PDZD7: variants seen among roughly 807,000 people sequenced by gnomAD.
PDZD7 encodes the protein PDZ domain-containing protein 7.
Under a neutral mutation model 84.7 loss-of-function variants are expected in PDZD7, and 72 were observed. That is an observed-to-expected ratio of 0.85 (90% confidence interval 0.70 to 1.03). PDZD7 has a LOEUF of 1.03. Ranked by LOEUF, PDZD7 falls within the 50% of genes least tolerant of loss-of-function variation. PDZD7 has a pLI of 0.00. For synonymous variants in PDZD7, 594 were observed against 580.7 expected, an observed-to-expected ratio of 1.02 and a Z score of -0.33; for missense variants, 1,490 against 1,412.9, an observed-to-expected ratio of 1.05 and a Z score of -0.87.
intron 11 of PDZD7, among the ~76,000 whole-genome samples, chr10:101,014,720 C>A (rs1394428800): frequency 1.3e-5 from 2 of 150,946 alleles, no homozygotes; most frequent in Non-Finnish European, 2.9e-5. Flanking sequence ...TGCTTGCTCA[C>A]ATGCACACAC....
chr10:101,023,700 G>A (rs1205478078), intron 3 of PDZD7, 90 bp from the exon 4 acceptor site: 1 of 1,514,580 alleles, frequency 6.6e-7, no homozygotes, highest in Non-Finnish European at 9.0e-7. Context: ...GTCAAACTGA[G>A]CTTCTCAATC....
chr10:101,009,402 A>C, intron 15 of PDZD7, 52 bp from the exon 16 acceptor site: 2 of 1,424,214 alleles, frequency 1.4e-6, no homozygotes, highest in Non-Finnish European at 9.6e-7. Context: ...CCCAAAATGC[A>C]AGCTCCCTGG....
At chr10:101,029,853 C>T in intron 2 of PDZD7, 141 bp downstream of exon 2, 2 of 844,502 alleles carry the variant, frequency 2.4e-6, no homozygotes, top group Non-Finnish European at 3.7e-6. Flanking sequence ...GTATGGGTTC[C>T]CAGGCGGCCT....
chr10:101,022,397 C>A lies in PDZD7; in HGVS notation c.543-12G>T. ...TCACCACATCCACCCTGGACAACAG[C>A]AGGGGGCCCTCAGGTGGGGTCCTCC... is the stretch of plus-strand genomic sequence containing the variant. On this transcript the variant is annotated splice_polypyrimidine_tract_variant and intron_variant, in intron 4 of 16. Transcript: ENST00000619208. 6.2e-7 allele frequency: 1 copy of A among 1,613,944 alleles called. No individual in the cohort carries two copies. The highest frequency in any genetic ancestry group is 1.3e-5 in the African/African-American group (1 of 75,040).
At chr10:101,019,840 G>T (rs1368343247) in intron 7 of PDZD7, among the ~76,000 whole-genome samples, 1 of 151,008 alleles carries the variant, frequency 6.6e-6, no homozygotes, top group South Asian at 2.1e-4. Flanking sequence ...TGGCCAGGCT[G>T]GTCTCGAGCA....
intron 3 of PDZD7, 139 bp downstream of exon 3, chr10:101,023,789 G>T (rs1043407788): frequency 2.0e-6 from 3 of 1,487,158 alleles, no homozygotes; most frequent in East Asian, 2.3e-5. Context: ...TGACTTGAGG[G>T]TTGGCCCTGT....
At chr10:101,023,414 G>A in intron 4 of PDZD7, 22 bp downstream of exon 4, 2 of 1,613,928 alleles carry the variant, frequency 1.2e-6, no homozygotes, top group Non-Finnish European at 1.7e-6. Flanking sequence ...GCCAGGGCTA[G>A]GATGAGGGAG....
intron 11 of PDZD7, among the ~76,000 whole-genome samples, chr10:101,014,501 A>G (rs1852521482): frequency 6.6e-6 from 1 of 152,170 alleles, no homozygotes; most frequent in Non-Finnish European, 1.5e-5. Flanking sequence ...GGAGGCTGGT[A>G]CACGCTGCCC....
intron 9 of PDZD7, chr10:101,017,357 C>A: frequency 9.7e-6 from 4 of 412,874 alleles, no homozygotes; most frequent in South Asian, 9.3e-5. Flanking sequence ...CAGCTTAAAT[C>A]AGCAGCTGAG....
chr10:101,020,516 G>T, intron 7 of PDZD7, 102 bp downstream of exon 7: 1 of 1,112,774 alleles, frequency 9.0e-7, no homozygotes, highest in Non-Finnish European at 1.3e-6. Context: ...GGGATTACAG[G>T]TGTAAGCCAC....
Position 101,022,083 on chromosome 10 carries a change from A to G in PDZD7, c.719+126T>C, listed in dbSNP as rs908263859. On this transcript the variant is annotated intron_variant, in intron 5 of 16. Transcript: ENST00000619208. Reference sequence around the variant, plus strand: ...CTACTGGGGCCTCCCGCCCCCTCCCAGGCCCTCACTGAGACAGGTGGTTGG... The same window carrying G: ...CTACTGGGGCCTCCCGCCCCCTCCCGGGCCCTCACTGAGACAGGTGGTTGG... 5 of 1,527,248 alleles carry G rather than the reference A, an allele frequency of 3.3e-6. No homozygotes were observed. In the African/African-American group the frequency reaches 7.0e-5, roughly 21 times the overall value. 94.6% of individuals were successfully genotyped at this position (1,527,248 alleles called of 1,614,324 possible). A position where few individuals can be genotyped will look rare whatever the true frequency, so the allele number is the denominator to read the frequency against.
chr10:101,013,062 G>A (rs1340891630), intron 11 of PDZD7, among the ~76,000 whole-genome samples: 1 of 152,236 alleles, frequency 6.6e-6, no homozygotes, highest in Admixed American at 6.5e-5. Context: ...TATGGGCACA[G>A]GCACAGAGAC....
intron 7 of PDZD7, 147 bp from the exon 8 acceptor site, chr10:101,019,364 G>A: frequency 2.0e-6 from 2 of 1,006,536 alleles, no homozygotes; most frequent in Non-Finnish European, 2.9e-6. Flanking sequence ...CCGCTGCTCC[G>A]AAATGCTGCC....
intron 11 of PDZD7, 111 bp from the exon 12 acceptor site, chr10:101,012,369 C>A: frequency 2.2e-6 from 2 of 925,046 alleles, no homozygotes; most frequent in Non-Finnish European, 3.4e-6. Context: ...ACCTATCCAG[C>A]CCTGCGTGCC....
At chr10:101,010,985 T>C in intron 14 of PDZD7, 102 bp from the exon 15 acceptor site, 5 of 1,524,152 alleles carry the variant, frequency 3.3e-6, no homozygotes, top group Non-Finnish European at 3.5e-6. Flanking sequence ...CCCGAGTTTG[T>C]TCAGGCACCA....
rs1361568525 is a variant in PDZD7 at position 101,012,358 on chromosome 10, G to T, written c.1750-100C>A. On this transcript the variant is annotated intron_variant, in intron 11 of 16. Coordinates refer to ENST00000619208, the MANE Select transcript of PDZD7 (RefSeq NM_001195263.2). ...CAGGTGTTTCTTCTACGCATGTAGG[G>T]ACCTATCCAGCCCTGCGTGCCTTGG... The T allele has an allele frequency of 5.8e-5, 59 of 1,012,500 alleles. No individual in the cohort carries two copies. The East Asian group carries it at 1.5e-3, about 26-fold the overall frequency. 62.7% of individuals were successfully genotyped at this position (1,012,500 alleles called of 1,614,324 possible).
intron 2 of PDZD7, among the ~76,000 whole-genome samples, chr10:101,029,486 G>T (rs1385671488): frequency 1.3e-5 from 2 of 152,144 alleles, no homozygotes; most frequent in African/African-American, 2.4e-5. Flanking sequence ...CTGAACATTT[G>T]CTGTGCTGCC....
chr10:101,016,844 A>G (rs1322982882), intron 9 of PDZD7, among the ~76,000 whole-genome samples: 1 of 151,980 alleles, frequency 6.6e-6, no homozygotes, highest in Non-Finnish European at 1.5e-5. Flanking sequence ...GTGGGAAGAG[A>G]GATGCACTGA....
In PDZD7 at chr10:101,022,338, G is replaced by A. The variant is rs1199416531; in HGVS notation, c.590C>T (p.Thr197Ile). ...ATCTTCTGAGCTGGTGTCGGAGGGTGTTGAACCGCACTTCTCCACTACCAG... is the reference window on the plus strand; with the variant it reads ...ATCTTCTGAGCTGGTGTCGGAGGGTATTGAACCGCACTTCTCCACTACCAG... The part of the protein sequence containing the change: ...RRLVVEKCGS[T>I]PSDTSSEDGV... The change falls in exon 5 of 17, where the codon ACA (threonine) becomes ATA (isoleucine). Residue 197 changes from threonine to isoleucine, a missense_variant. Thr to Ile is a moderately conservative substitution (Grantham distance 89, BLOSUM62 -1). Transcript: ENST00000619208. 1.2e-6 allele frequency: 2 copies of A among 1,614,060 alleles called. No homozygotes were observed. Among genetic ancestry groups the A allele is most frequent in the Non-Finnish European group, 1.7e-6 (2 of 1,180,044 alleles).
Sources: gnomAD v4.1 joint callset for allele counts (sites outside exome capture counted in the v4.1 genomes callset) on GRCh38, gnomAD v4.1.1 for gene constraint, MANE v1.5 for transcripts, NCBI Gene and HGNC (gene_info 2026-07-23, HGNC 2026-07-21) for gene names.